PDE8B: variants seen among roughly 807,000 people sequenced by gnomAD.
PDE8B encodes the protein phosphodiesterase 8B.
A neutral mutation model predicts 101.3 loss-of-function variants in PDE8B; 26 were observed. That is an observed-to-expected ratio of 0.26 (90% confidence interval 0.19 to 0.36). PDE8B has a LOEUF of 0.36. Among genes scored for constraint, PDE8B ranks in the 10% least tolerant of loss-of-function variants. The pLI, the probability that PDE8B is intolerant of heterozygous loss-of-function variation, is 1.00. For synonymous variants in PDE8B, 424 were observed against 429.3 expected (o/e 0.99, Z 0.15); for missense variants, 810 against 1,163.1 (o/e 0.70, Z 4.42).
At chr5:77,149,694 A>G in the PDE8B span, among the ~76,000 whole-genome samples, 5 of 152,234 alleles carry the variant, frequency 3.3e-5, no homozygotes, top group African/African-American at 1.2e-4. Context: ...TTTTTAAAAT[A>G]CTGATCTTAG....
Position 77,419,828 on chromosome 5 carries a change from A to G in PDE8B, c.2191A>G (p.Lys731Glu). 1 of 1,614,160 alleles carries G rather than the reference A, an allele frequency of 6.2e-7. No individual in the cohort carries two copies. The highest frequency in any genetic ancestry group is 8.5e-7 in the Non-Finnish European group (1 of 1,179,980). ...IDMVLATEMT[K>E]HFEHVNKFVN... is the part of the protein sequence containing the mutation. ...CATGGTTTTGGCAACAGAGATGACA[A>G]AACACTTTGAACATGTGAATAAGTT... is the stretch of plus-strand genomic sequence containing the variant. Residue 731 changes from lysine (K) to glutamate (E), a missense_variant, in exon 19 of 22, where the codon AAA becomes GAA. Transcript: ENST00000264917.
At chr5:77,378,009 TACACACACACACACACACACACAC>T (rs3031820) in intron 10 of PDE8B, among the ~76,000 whole-genome samples, 13 of 134,486 alleles carry the variant, frequency 9.7e-5, no homozygotes, top group East Asian at 2.2e-4. Flanking sequence ...CCTCTCTCTC[TACACACACACACACACACACACAC>T]ACACACACAC....
intron 1 of PDE8B, among the ~76,000 whole-genome samples, chr5:77,274,485 T>C (rs1337920345): frequency 6.6e-6 from 1 of 152,228 alleles, no homozygotes; most frequent in Non-Finnish European, 1.5e-5. Context: ...GCATCTGACA[T>C]GTCCCAGGTG....
intron 10 of PDE8B, among the ~76,000 whole-genome samples, chr5:77,373,445 T>C (rs1355378528): frequency 2.0e-5 from 3 of 152,282 alleles, no homozygotes; most frequent in Admixed American, 6.5e-5. Context: ...AATGAACATA[T>C]CTATCAACAT....
At chr5:77,318,058 A>G (rs1174467878) in intron 2 of PDE8B, among the ~76,000 whole-genome samples, 1 of 149,426 alleles carries the variant, frequency 6.7e-6, no homozygotes, top group Non-Finnish European at 1.5e-5. Flanking sequence ...TCCATCTCAA[A>G]AAAAAAAAAA....
intron 11 of PDE8B, among the ~76,000 whole-genome samples, chr5:77,401,646 G>A (rs1792307472): frequency 1.3e-5 from 2 of 152,096 alleles, no homozygotes; most frequent in African/African-American, 4.8e-5. Flanking sequence ...TCACAAAGTA[G>A]GCACTCAGTA....
intron 1 of PDE8B, among the ~76,000 whole-genome samples, chr5:77,277,935 G>GTATGCC (rs1764169232): frequency 6.6e-6 from 1 of 152,214 alleles, no homozygotes; most frequent in South Asian, 2.1e-4. Context: ...TACATAGAAT[G>GTATGCC]TATGCCTATC....
intron 1 of PDE8B, among the ~76,000 whole-genome samples, chr5:77,220,329 CTT>C (rs1446545088): frequency 6.6e-6 from 1 of 152,220 alleles, no homozygotes; most frequent in Non-Finnish European, 1.5e-5. Context: ...GTGTGATCCA[CTT>C]AGCCTGATCT....
the PDE8B span, among the ~76,000 whole-genome samples, chr5:77,160,269 A>G: frequency 6.6e-6 from 1 of 152,174 alleles, no homozygotes; most frequent in Non-Finnish European, 1.5e-5. Context: ...TATAAATAAT[A>G]AATTATAGTA....
chr5:77,193,569 A>T, the PDE8B span, among the ~76,000 whole-genome samples: 1 of 152,136 alleles, frequency 6.6e-6, no homozygotes, highest in Non-Finnish European at 1.5e-5. Flanking sequence ...TGTATTGTTT[A>T]CTGTGGCTTT....
the PDE8B span, chr5:77,145,584 C>T: frequency 6.6e-6 from 1 of 152,142 alleles, no homozygotes; most frequent in Admixed American, 6.5e-5. Flanking sequence ...AATAATAGGA[C>T]CTTTTGGAAG....
intron 1 of PDE8B, chr5:77,291,199 A>T: frequency 1.2e-6 from 2 of 1,611,076 alleles, no homozygotes; most frequent in Non-Finnish European, 1.7e-6. Context: ...CTGTTTGTAC[A>T]TGAAAGCATC....
At chr5:77,311,802 C>CTT (rs11413850) in intron 1 of PDE8B, among the ~76,000 whole-genome samples, 192 bp from the exon 2 acceptor site, 4 of 151,154 alleles carry the variant, frequency 2.6e-5, no homozygotes, top group South Asian at 4.2e-4. Flanking sequence ...TAAATGGATA[C>CTT]TTTTTTTTTA....
chr5:77,407,245 T>A (rs967480550), intron 12 of PDE8B, 136 bp from the exon 13 acceptor site: 1 of 738,392 alleles, frequency 1.4e-6, no homozygotes. Context: ...GCAGAAGAGA[T>A]GGGTGAATTC....
chr5:77,230,242 T>G (rs1753290411), intron 1 of PDE8B, among the ~76,000 whole-genome samples: 1 of 152,198 alleles, frequency 6.6e-6, no homozygotes. Flanking sequence ...CAACATGAAC[T>G]TGGGTTTCAG....
intron 1 of PDE8B, among the ~76,000 whole-genome samples, chr5:77,218,508 T>C (rs1391179002): frequency 6.6e-6 from 1 of 152,240 alleles, no homozygotes; most frequent in Non-Finnish European, 1.5e-5. Flanking sequence ...CCACACAGCC[T>C]GAAGCCCTAA....
intron 1 of PDE8B, among the ~76,000 whole-genome samples, chr5:77,276,388 G>GT (rs1763854944): frequency 6.6e-6 from 1 of 152,180 alleles, no homozygotes; most frequent in Non-Finnish European, 1.5e-5. Flanking sequence ...CATCCAGAGT[G>GT]TCTTCTCCCT....
At chr5:77,360,176 G>A (rs1485079387) in intron 10 of PDE8B, among the ~76,000 whole-genome samples, 1 of 152,070 alleles carries the variant, frequency 6.6e-6, no homozygotes, top group African/African-American at 2.4e-5. Context: ...AAAAATTAAT[G>A]TTATCTATTC....
chr5:77,128,656 G>A, the PDE8B span, among the ~76,000 whole-genome samples: 1 of 152,216 alleles, frequency 6.6e-6, no homozygotes, highest in East Asian at 1.9e-4. Context: ...ATGTGAAATG[G>A]TGCTCAAGAG....
Sources: gnomAD v4.1 joint callset for allele counts (sites outside exome capture counted in the v4.1 genomes callset) on GRCh38, gnomAD v4.1.1 for gene constraint, MANE v1.5 for transcripts, NCBI Gene and HGNC (gene_info 2026-07-23, HGNC 2026-07-21) for gene names.